Variants in RSL24D1 observed in about 807,000 individuals in gnomAD.
The protein encoded by RSL24D1 is ribosomal L24 domain containing 1.
A neutral mutation model predicts 26.2 loss-of-function variants in RSL24D1; 6 were observed. The observed-to-expected ratio is 0.23, with a 90% CI of 0.13 to 0.45. RSL24D1 has a LOEUF of 0.45. Ranked by LOEUF, RSL24D1 falls within the 20% of genes least tolerant of loss-of-function variation. The pLI is 0.99. For synonymous variants in RSL24D1, 61 were observed against 59.1 expected, an observed-to-expected ratio of 1.03 and a Z score of -0.15; for missense variants, 176 against 202.6, an observed-to-expected ratio of 0.87 and a Z score of 0.80.
At position 55,181,874 on chromosome 15, in the gene RSL24D1, A is replaced by T; in HGVS notation, c.*278T>A. The T allele has an allele frequency of 3.2e-6, 1 of 312,010 alleles. No homozygotes were observed. The highest frequency in any genetic ancestry group is 5.9e-6 in the Non-Finnish European group (1 of 169,062). 19.3% of individuals were successfully genotyped at this position (312,010 alleles called of 1,614,324 possible). On this transcript the variant is annotated 3_prime_UTR_variant, in exon 6 of 6. Transcript: ENST00000260443. ...TATACAAATGCTGCCTAGTGCCATT[A>T]TCCAAATAGCACAACCATTTTACGT...
rs9300 is a variant in RSL24D1 at position 55,196,867 on chromosome 15, G to A, written c.24C>T (p.Phe8=). The part of the protein sequence containing the change: MRIEKCY[F]CSGPIYPGHG... ...GTCCAGGATAGATGGGCCCCGAACA[G>A]AAATAACACTTTTCGATACGCATGT... is the stretch of plus-strand genomic sequence containing the variant. The change falls in exon 1 of 6, where the codon TTC becomes TTT. Residue 8 remains phenylalanine (F), a synonymous_variant. Transcript: ENST00000260443. 338,998 of 1,613,180 alleles carry A rather than the reference G, an allele frequency of 0.21. 39,926 individuals are homozygous for A. Among genetic ancestry groups the A allele is most frequent in the African/African-American group, 0.51 (38,232 of 74,916 alleles).
rs751998821 is a variant in RSL24D1 at position 55,196,847 on chromosome 15, G to A, written c.44C>T (p.Pro15Leu). The A allele has an allele frequency of 5.0e-6, 8 of 1,614,088 alleles. No homozygotes were observed. The highest frequency in any genetic ancestry group is 2.7e-5 in the African/African-American group (2 of 74,914). The change falls in exon 1 of 6, where the codon CCT becomes CTT. Residue 15 changes from proline to leucine, a missense_variant. Physicochemically the swap from Pro to Leu is moderately conservative, Grantham distance 98. Around this residue, in one of 3 missense-constraint regions of RSL24D1, gnomAD observed 44 missense variants for 28.8 expected, o/e 1.53. Coordinates refer to ENST00000260443, the MANE Select transcript of RSL24D1 (RefSeq NM_016304.3). ...GCGGACGAACATCATGCCGTGTCCA[G>A]GATAGATGGGCCCCGAACAGAAATA... Reference protein sequence around the residue: ...KCYFCSGPIYPGHGMMFVRND... With the variant: ...KCYFCSGPIYLGHGMMFVRND...
rs1283095366 is a variant in RSL24D1 at position 55,181,454 on chromosome 15, G to C, written c.*698C>G. On this transcript the variant is annotated 3_prime_UTR_variant, in exon 6 of 6. Coordinates refer to ENST00000260443, the MANE Select transcript of RSL24D1 (RefSeq NM_016304.3). ...AGGCGCTGGGATTCCTCTGCTTCTAGATCAATGCTGGGCTAGAAAAGTAAA... is the reference window on the plus strand; with the variant it reads ...AGGCGCTGGGATTCCTCTGCTTCTACATCAATGCTGGGCTAGAAAAGTAAA... 4 of 152,592 alleles carry C rather than the reference G, an allele frequency of 2.6e-5. No individual in the cohort carries two copies. Among genetic ancestry groups the C allele is most frequent in the African/African-American group, 9.7e-5 (4 of 41,442 alleles). The allele number at this position is 152,592 out of a possible 1,614,324, so 9.5% of individuals were successfully genotyped here. A position where few individuals can be genotyped will look rare whatever the true frequency, so the allele number is the denominator to read the frequency against.
intron 2 of RSL24D1, 95 bp from the exon 3 acceptor site, chr15:55,191,142 A>G: frequency 4.8e-6 from 4 of 834,082 alleles, no homozygotes; most frequent in Non-Finnish European, 7.4e-6. Context: ...AGTGTTCTAA[A>G]TGAACATACA....
In RSL24D1 at chr15:55,185,347, T is replaced by C. The variant is rs748090874; in HGVS notation, c.332+15A>G. 6.3e-7 allele frequency: 1 copy of C among 1,576,490 alleles called. No individual in the cohort carries two copies. Among genetic ancestry groups the C allele is most frequent in the South Asian group, 1.2e-5 (1 of 84,484 alleles). ...TAATTATTTTCCAAAAGTTACTCCATACAAATATTCATACCTGTTCATTAT... is the reference window on the plus strand; with the variant it reads ...TAATTATTTTCCAAAAGTTACTCCACACAAATATTCATACCTGTTCATTAT... On this transcript the variant is annotated intron_variant, in intron 4 of 5. Coordinates refer to ENST00000260443, the MANE Select transcript of RSL24D1 (RefSeq NM_016304.3).
At chr15:55,185,198 G>A (rs1289024191) in intron 4 of RSL24D1, among the ~76,000 whole-genome samples, 164 bp downstream of exon 4, 2 of 152,144 alleles carry the variant, frequency 1.3e-5, no homozygotes, top group Non-Finnish European at 2.9e-5. Context: ...TAAAGTAAAT[G>A]TAAAATGCTA....
intron 4 of RSL24D1, among the ~76,000 whole-genome samples, chr15:55,185,156 A>G (rs1249994320): frequency 6.6e-6 from 1 of 152,212 alleles, no homozygotes; most frequent in Non-Finnish European, 1.5e-5. Flanking sequence ...AGAAGGAAAA[A>G]GCATTATGTC....
intron 1 of RSL24D1, among the ~76,000 whole-genome samples, chr15:55,194,803 TAC>T (rs143219738): frequency 0.11 from 16,219 of 146,738 alleles, 1,025 homozygotes; most frequent in Admixed American, 0.22. Flanking sequence ...CCTCTGTCTC[TAC>T]ACACACACAC....
At chr15:55,192,590 C>A in intron 2 of RSL24D1, 130 bp downstream of exon 2, 1 of 566,234 alleles carries the variant, frequency 1.8e-6, no homozygotes. Flanking sequence ...TTTCCACAGC[C>A]AAATACAAAT....
chr15:55,187,445 A>G (rs1049794055), intron 3 of RSL24D1, among the ~76,000 whole-genome samples: 2 of 152,202 alleles, frequency 1.3e-5, no homozygotes, highest in Admixed American at 1.3e-4. Flanking sequence ...TTTGAACCTA[A>G]GAAGCATCTA....
rs532682675 is a variant in RSL24D1 at position 55,186,886 on chromosome 15, C to A, written c.269-1461G>T. 4.6e-5 allele frequency among the ~76,000 whole-genome samples: 7 copies of A among 151,832 alleles called. No homozygotes were observed. In the South Asian group the frequency reaches 1.5e-3, roughly 32 times the overall value. ...CTTAAACAGTTCAGAAAAATATACA[C>A]TAAAGGGAGAAAGGGAGAAAGAAGA... On this transcript the variant is annotated intron_variant, in intron 3 of 5. Transcript: ENST00000260443.
intron 5 of RSL24D1, among the ~76,000 whole-genome samples, chr15:55,182,834 TAA>T (rs1322898193): frequency 6.6e-6 from 1 of 152,184 alleles, no homozygotes. Flanking sequence ...GTAAATTGCA[TAA>T]AAGACTGTAC....
At position 55,192,907 on chromosome 15, in the gene RSL24D1, C is replaced by G; in HGVS notation, c.82-74G>C. 7.9e-6 allele frequency: 7 copies of G among 891,302 alleles called. No individual in the cohort carries two copies. In the South Asian group the frequency reaches 8.8e-5, roughly 11 times the overall value. 55.2% of individuals were successfully genotyped at this position (891,302 alleles called of 1,614,324 possible). A position where few individuals can be genotyped will look rare whatever the true frequency, so the allele number is the denominator to read the frequency against. ...ATCACAAGACGTTACCCCTGCTAGA[C>G]AAAAAATACTTTCCCTTCTACTTAA... is the stretch of plus-strand genomic sequence containing the variant. On this transcript the variant is annotated intron_variant, in intron 1 of 5. Coordinates refer to ENST00000260443, the MANE Select transcript of RSL24D1 (RefSeq NM_016304.3).
At chr15:55,183,441 C>T (rs902484527) in intron 4 of RSL24D1, 41 bp from the exon 5 acceptor site, 2 of 1,457,790 alleles carry the variant, frequency 1.4e-6, no homozygotes, top group African/African-American at 2.8e-5. Context: ...CAGTTACTAA[C>T]ACTGCTTTAA....
chr15:55,189,577 T>G (rs1894269821), intron 3 of RSL24D1, among the ~76,000 whole-genome samples: 1 of 152,180 alleles, frequency 6.6e-6, no homozygotes, highest in Non-Finnish European at 1.5e-5. Context: ...TTCGTAAACT[T>G]TCTTAAAACA....
At position 55,196,414 on chromosome 15, in the gene RSL24D1, A is replaced by G. The variant is rs113211558; in HGVS notation, c.81+396T>C. The G allele has an allele frequency of 8.2e-4, 390 of 473,104 alleles. 3 individuals carry two copies. Among genetic ancestry groups the G allele is most frequent in the African/African-American group, 7.3e-3 (370 of 50,922 alleles). 29.3% of individuals were successfully genotyped at this position (473,104 alleles called of 1,614,324 possible). On this transcript the variant is annotated intron_variant, in intron 1 of 5. Coordinates refer to ENST00000260443, the MANE Select transcript of RSL24D1 (RefSeq NM_016304.3). ...ATACGGAACACTTCCATCAACCTCT[A>G]CACTTTAGTATGGACCTTAGTGTAA...
At chr15:55,190,249 CA>C (rs57254193) in intron 3 of RSL24D1, among the ~76,000 whole-genome samples, 3,316 of 34,532 alleles carry the variant, frequency 0.096, 27 homozygotes, top group African/African-American at 0.22. Flanking sequence ...CTTTCCAACT[CA>C]AAAAAAAAAA....
At chr15:55,184,905 A>G (rs998546402) in intron 4 of RSL24D1, among the ~76,000 whole-genome samples, 2 of 152,222 alleles carry the variant, frequency 1.3e-5, no homozygotes, top group African/African-American at 4.8e-5. Context: ...TATAGTCTTC[A>G]AAACTATCAA....
chr15:55,195,219 G>A (rs1894342475), intron 1 of RSL24D1: 1 of 151,928 alleles, frequency 6.6e-6, no homozygotes, highest in Non-Finnish European at 1.5e-5. Flanking sequence ...AAAACTATCC[G>A]GGCACTTAAG....
Sources: allele counts gnomAD v4.1 joint callset (sites outside exome capture counted in the v4.1 genomes callset), GRCh38; gene constraint gnomAD v4.1.1; regional missense constraint gnomAD v4.1.1; transcripts MANE v1.5; gene names NCBI Gene and HGNC (gene_info 2026-07-23, HGNC 2026-07-21).